The following FAM227B variants were observed in gnomAD, a reference collection of about 807,000 sequenced individuals.
FAM227B encodes family with sequence similarity 227 member B.
A neutral mutation model predicts 73.8 loss-of-function variants in FAM227B; 88 were observed. That is an observed-to-expected ratio of 1.19 (90% CI 1.00 to 1.42). The LOEUF (loss-of-function observed/expected upper bound fraction) is 1.42, where lower values mean the gene tolerates loss of function less well. Among genes scored for constraint, FAM227B ranks in the 40% most tolerant of loss-of-function variants. The pLI is 0.00. For missense variants in FAM227B, 632 were observed against 590.9 expected (o/e 1.07, Z -0.72); for synonymous variants, 210 against 190.5 (o/e 1.10, Z -0.84).
At position 49,520,093 on chromosome 15, in the gene FAM227B, A is replaced by C. The variant is rs1481125132; in HGVS notation, c.875-11745T>G. ...AAGTTCAAAGTTCCACAGATCTCTA[A>C]GGTAGGGGGAAAATGCCATTAGTCT... On this transcript the variant is annotated intron_variant, in intron 10 of 15. Transcript: ENST00000299338. 5.9e-5 allele frequency among the ~76,000 whole-genome samples: 9 copies of C among 152,268 alleles called. No homozygotes were observed. In the East Asian group the frequency reaches 1.5e-3, roughly 26 times the overall value.
intron 11 of FAM227B, among the ~76,000 whole-genome samples, chr15:49,399,403 C>T (rs1317990478): frequency 8.8e-5 from 13 of 148,452 alleles, no homozygotes; most frequent in South Asian, 2.2e-4. Context: ...GATTCACAGC[C>T]GAATTCTACC....
rs188457611 is a variant in FAM227B at position 49,466,842 on chromosome 15, G to A, written c.1012+41369C>T. ...AGTAAACTCAGATGTTTTTATTTCT[G>A]CCTCTTTTTCCTTTCACTTTCATTT... On this transcript the variant is annotated intron_variant, in intron 11 of 15. Coordinates refer to ENST00000299338, the MANE Select transcript of FAM227B (RefSeq NM_152647.3). Among the ~76,000 whole-genome samples, 44 of 152,112 alleles carry A rather than the reference G, an allele frequency of 2.9e-4. 1 individual carries two copies. The East Asian group carries it at 5.6e-3, about 19-fold the overall frequency.
chr15:49,496,721 A>G (rs1597607846), intron 11 of FAM227B, among the ~76,000 whole-genome samples: 1 of 152,210 alleles, frequency 6.6e-6, no homozygotes, highest in Non-Finnish European at 1.5e-5. Context: ...AGCATCTCAA[A>G]TGTCGAAAAA....
intron 1 of FAM227B, among the ~76,000 whole-genome samples, chr15:49,619,854 A>G (rs74012439): frequency 0.079 from 12,067 of 152,278 alleles, 1,317 homozygotes; most frequent in African/African-American, 0.24. Flanking sequence ...AAACTTTTTA[A>G]GGTTTGAAAT....
At chr15:49,484,325 G>T in intron 11 of FAM227B, 1 of 1,588,684 alleles carries the variant, frequency 6.3e-7, no homozygotes, top group Non-Finnish European at 8.5e-7. Context: ...ATGCAATGAA[G>T]ATTGTAACTT....
At chr15:49,521,600 CA>C (rs1337125571) in intron 10 of FAM227B, among the ~76,000 whole-genome samples, 4 of 152,298 alleles carry the variant, frequency 2.6e-5, no homozygotes, top group African/African-American at 9.6e-5. Flanking sequence ...TGAGCTTGCA[CA>C]AAGGGAGGGC....
At chr15:49,398,067 G>A (rs1420489147) in intron 11 of FAM227B, among the ~76,000 whole-genome samples, 1 of 152,140 alleles carries the variant, frequency 6.6e-6, no homozygotes, top group African/African-American at 2.4e-5. Context: ...TGGATAAAGA[G>A]TCAAGACCCA....
At chr15:49,597,667 C>T (rs181586610) in intron 3 of FAM227B, among the ~76,000 whole-genome samples, 1 of 151,866 alleles carries the variant, frequency 6.6e-6, no homozygotes, top group Admixed American at 6.6e-5. Context: ...CAAAGATAAA[C>T]TAAACAAAAA....
At chr15:49,332,249 C>G (rs1484053937) in intron 14 of FAM227B, among the ~76,000 whole-genome samples, 1 of 152,192 alleles carries the variant, frequency 6.6e-6, no homozygotes. Flanking sequence ...ATGGTTTACA[C>G]AGTATTGCTT....
At chr15:49,450,717 C>T (rs889628651) in intron 11 of FAM227B, among the ~76,000 whole-genome samples, 1 of 152,074 alleles carries the variant, frequency 6.6e-6, no homozygotes, top group African/African-American at 2.4e-5. Flanking sequence ...CAATTACATT[C>T]TTGATCTTTA....
chr15:49,619,069 A>G (rs952813065), intron 1 of FAM227B, among the ~76,000 whole-genome samples: 2 of 152,206 alleles, frequency 1.3e-5, no homozygotes, highest in Admixed American at 6.5e-5. Flanking sequence ...CAAACAAGCT[A>G]GTCCTAGAAG....
intron 11 of FAM227B, among the ~76,000 whole-genome samples, chr15:49,457,212 T>C (rs930689812): frequency 1.3e-5 from 2 of 152,026 alleles, no homozygotes; most frequent in African/African-American, 4.8e-5. Context: ...TTCATTGGAA[T>C]CAGGAGAAAG....
At chr15:49,584,362 C>T (rs1010007281) in intron 5 of FAM227B, among the ~76,000 whole-genome samples, 2 of 152,056 alleles carry the variant, frequency 1.3e-5, no homozygotes, top group African/African-American at 4.8e-5. Context: ...AAGGTACATA[C>T]CTCAAAATAA....
chr15:49,513,396 A>T (rs183529192), intron 10 of FAM227B, among the ~76,000 whole-genome samples: 1 of 152,176 alleles, frequency 6.6e-6, no homozygotes, highest in Admixed American at 6.5e-5. Context: ...GGCCACATAA[A>T]TATCTTCTTT....
At chr15:49,447,853 T>C (rs1390681512) in intron 11 of FAM227B, among the ~76,000 whole-genome samples, 1 of 151,698 alleles carries the variant, frequency 6.6e-6, no homozygotes, top group South Asian at 2.1e-4. Context: ...CGAGAATGAA[T>C]TGAATAAACA....
chr15:49,479,979 G>T (rs1050444885), intron 11 of FAM227B, among the ~76,000 whole-genome samples: 1 of 152,112 alleles, frequency 6.6e-6, no homozygotes, highest in African/African-American at 2.4e-5. Flanking sequence ...CACTGCAAGT[G>T]AACAAAAGAG....
At chr15:49,391,311 TC>T in intron 11 of FAM227B, among the ~76,000 whole-genome samples, 1 of 152,176 alleles carries the variant, frequency 6.6e-6, no homozygotes, top group East Asian at 1.9e-4. Context: ...CTGGGACACC[TC>T]AAGCATGAAA....
At chr15:49,451,177 T>C (rs1168864814) in intron 11 of FAM227B, among the ~76,000 whole-genome samples, 1 of 152,094 alleles carries the variant, frequency 6.6e-6, no homozygotes, top group Non-Finnish European at 1.5e-5. Flanking sequence ...ATATGGATAC[T>C]TACATATAAA....
At chr15:49,442,880 C>G (rs996471789) in intron 11 of FAM227B, among the ~76,000 whole-genome samples, 1 of 151,728 alleles carries the variant, frequency 6.6e-6, no homozygotes, top group Non-Finnish European at 1.5e-5. Context: ...GTGCTGCTCA[C>G]ACCACTAATG....
Sources: gnomAD v4.1 joint callset for allele counts (sites outside exome capture counted in the v4.1 genomes callset) on GRCh38, gnomAD v4.1.1 for gene constraint, MANE v1.5 for transcripts, NCBI Gene and HGNC (gene_info 2026-07-23, HGNC 2026-07-21) for gene names.